Variants in ZNF710 observed in about 807,000 individuals in gnomAD.
ZNF710 encodes the protein zinc finger protein 710.
Under a neutral mutation model 50.6 loss-of-function variants are expected in ZNF710, and 13 were observed. The ratio of observed to expected loss-of-function variants is 0.26; its 90% CI spans 0.17 to 0.41. The LOEUF (loss-of-function observed/expected upper bound fraction) is 0.41, where lower values mean the gene tolerates loss of function less well. Ranked by LOEUF, ZNF710 falls within the 10% of genes least tolerant of loss-of-function variation. ZNF710 has a pLI of 1.00. For missense variants in ZNF710, 721 were observed against 936.6 expected (o/e 0.77, Z 3.01); for synonymous variants, 383 against 397.0 (o/e 0.96, Z 0.42).
At chr15:90,043,740 C>T (rs1250806439) in intron 1 of ZNF710, among the ~76,000 whole-genome samples, 3 of 152,158 alleles carry the variant, frequency 2.0e-5, no homozygotes, top group Non-Finnish European at 4.4e-5. Context: ...GCTGCATTCA[C>T]GCTAGAACAT....
intron 1 of ZNF710, among the ~76,000 whole-genome samples, chr15:90,051,238 CAAAA>C (rs61250352): frequency 3.8e-5 from 3 of 79,084 alleles, no homozygotes; most frequent in African/African-American, 9.1e-5. Flanking sequence ...GACTCCGTCT[CAAAA>C]AAAAAAAAAA....
rs558025276 is a variant in ZNF710, at chr15:90,056,086, AGC to A, written c.-28-11023_-28-11022del. On this transcript the variant is annotated intron_variant, in intron 1 of 4. Transcript: ENST00000268154. ...GGCCAAGATCACACCACTACATTCCAGCCTGGGCAACAGAGCAAGACTCCATC... is the reference window on the plus strand; with the variant it reads ...GGCCAAGATCACACCACTACATTCCACTGGGCAACAGAGCAAGACTCCATC... Among the ~76,000 whole-genome samples, 220 of 150,506 alleles carry A rather than the reference AGC, an allele frequency of 1.5e-3. 4 individuals are homozygous for A. Among genetic ancestry groups the A allele is most frequent in the African/African-American group, 5.2e-3 (212 of 40,718 alleles).
chr15:90,050,099 T>C (rs1899592633), intron 1 of ZNF710, among the ~76,000 whole-genome samples: 1 of 152,264 alleles, frequency 6.6e-6, no homozygotes. Context: ...GCTGATACGT[T>C]GCACCAGCTG....
At chr15:90,019,705 C>T (rs1195637700) in intron 1 of ZNF710, among the ~76,000 whole-genome samples, 1 of 152,180 alleles carries the variant, frequency 6.6e-6, no homozygotes. Context: ...CCTGGCCCGT[C>T]GCTTTACAAT....
chr15:90,068,357 A>G lies in ZNF710; in HGVS notation c.1220A>G (p.His407Arg). ...GTGAAGCATGAGAGTGGCCGCTGCCATGTCTGCGTCGAGTGCGGCCTGGAC... is the reference window on the plus strand; with the variant it reads ...GTGAAGCATGAGAGTGGCCGCTGCCGTGTCTGCGTCGAGTGCGGCCTGGAC... Reference protein sequence around the residue: ...HEVKHESGRCHVCVECGLDFS... With the variant: ...HEVKHESGRCRVCVECGLDFS... Residue 407 changes from histidine (H) to arginine (R), a missense_variant, in exon 2 of 5, where the codon CAT becomes CGT. Around this residue, in one of 3 missense-constraint regions of ZNF710, gnomAD observed 326 missense variants for 522.0 expected, o/e 0.62. Coordinates refer to ENST00000268154, the MANE Select transcript of ZNF710 (RefSeq NM_198526.4). This position sits in a 1 kb window ranked among gnomAD's most constrained non-coding sequence, Gnocchi z 5.0. 2 of 1,612,596 alleles carry G rather than the reference A, an allele frequency of 1.2e-6. No homozygotes were observed. Among genetic ancestry groups the G allele is most frequent in the Non-Finnish European group, 1.7e-6 (2 of 1,179,448 alleles).
At position 90,079,989 on chromosome 15, in the gene ZNF710, C is replaced by G; in HGVS notation, c.*160C>G. The G allele has an allele frequency of 3.1e-6, 2 of 641,466 alleles. No homozygotes were observed. Among genetic ancestry groups the G allele is most frequent in the East Asian group, 3.3e-5 (1 of 30,314 alleles). The allele number at this position is 641,466 out of a possible 1,614,324, so 39.7% of individuals were successfully genotyped here. On this transcript the variant is annotated 3_prime_UTR_variant, in exon 5 of 5. Transcript: ENST00000268154. ...TTTGCACCACTAGGGACCTTTAGAC[C>G]AAATGGAGACTGTACTACTGGCCCC... is the stretch of plus-strand genomic sequence containing the variant.
intron 1 of ZNF710, among the ~76,000 whole-genome samples, chr15:90,051,711 A>G (rs1260707407): frequency 6.6e-6 from 1 of 152,188 alleles, no homozygotes; most frequent in African/African-American, 2.4e-5. Context: ...TCTCTGGTGT[A>G]CCTGGTAACC....
chr15:90,056,264 T>C (rs532760798), intron 1 of ZNF710, among the ~76,000 whole-genome samples: 160 of 151,206 alleles, frequency 1.1e-3, no homozygotes, highest in Non-Finnish European at 2.0e-3. Context: ...ACAAAAAAAA[T>C]TAGCCAGGCC....
At chr15:90,044,540 T>G (rs571918628) in intron 1 of ZNF710, among the ~76,000 whole-genome samples, 14 of 152,284 alleles carry the variant, frequency 9.2e-5, no homozygotes, top group African/African-American at 3.4e-4. Context: ...TGTTGACACA[T>G]CCTTTGTGAC....
intron 1 of ZNF710, chr15:90,002,575 C>G (rs990678076): frequency 1.3e-5 from 2 of 152,386 alleles, no homozygotes; most frequent in African/African-American, 4.8e-5. Context: ...GCTCGGGGAC[C>G]GACGGGGCAG....
intron 1 of ZNF710, among the ~76,000 whole-genome samples, chr15:90,064,735 G>A (rs552343878): frequency 3.9e-4 from 59 of 152,116 alleles, no homozygotes; most frequent in Non-Finnish European, 6.9e-4. Context: ...TGATCTGCCC[G>A]CCTCAGCCTC....
intron 1 of ZNF710, among the ~76,000 whole-genome samples, chr15:90,007,782 T>G (rs914663121): frequency 6.6e-6 from 1 of 151,594 alleles, no homozygotes; most frequent in African/African-American, 2.4e-5. Flanking sequence ...AGCTCTTTTT[T>G]GGTAGCACAG....
At chr15:90,017,404 C>T (rs1180118226) in intron 1 of ZNF710, among the ~76,000 whole-genome samples, 2 of 152,150 alleles carry the variant, frequency 1.3e-5, no homozygotes, top group Non-Finnish European at 2.9e-5. Flanking sequence ...ATAGCTTCAC[C>T]AGGGGAAGAA....
chr15:90,004,461 G>C (rs1309753232), intron 1 of ZNF710, among the ~76,000 whole-genome samples: 4 of 152,150 alleles, frequency 2.6e-5, no homozygotes, highest in Non-Finnish European at 4.4e-5. Flanking sequence ...CCATACCCTC[G>C]TTCCTCAGGC....
In ZNF710 at chr15:90,067,876, G is replaced by A. The variant is rs550826482; in HGVS notation, c.739G>A (p.Val247Met). 29 of 1,609,402 alleles carry A rather than the reference G, an allele frequency of 1.8e-5. No individual in the cohort carries two copies. Among genetic ancestry groups the A allele is most frequent in the Middle Eastern group, 1.7e-4 (1 of 6,044 alleles). The change falls in exon 2 of 5, where the codon GTG becomes ATG. Residue 247 changes from valine (V) to methionine (M), a missense_variant. Transcript: ENST00000268154. This position sits in a 1 kb window ranked among gnomAD's most constrained non-coding sequence, Gnocchi z 8.1. ...PEPVKPEQGF[V>M]WQEASEFEAD... is the part of the protein sequence containing the mutation. ...GCCTGTCAAGCCGGAACAGGGCTTC[G>A]TGTGGCAGGAGGCCAGTGAGTTCGA...
At chr15:90,008,063 G>A (rs1898183295) in intron 1 of ZNF710, among the ~76,000 whole-genome samples, 1 of 152,082 alleles carries the variant, frequency 6.6e-6, no homozygotes, top group Admixed American at 6.6e-5. Context: ...CTTAAATCAG[G>A]GAGGTAAGGT....
chr15:90,021,018 C>CAA (rs35234181), intron 1 of ZNF710, among the ~76,000 whole-genome samples: 1 of 150,414 alleles, frequency 6.6e-6, no homozygotes, highest in Admixed American at 6.6e-5. Flanking sequence ...CACCCCCCCC[C>CAA]CCTTAGCAGC....
At chr15:90,031,027 A>G (rs1415881658) in intron 1 of ZNF710, among the ~76,000 whole-genome samples, 1 of 150,118 alleles carries the variant, frequency 6.7e-6, no homozygotes, top group Non-Finnish European at 1.5e-5. Flanking sequence ...TCAAAAAAAA[A>G]GAAAAAAAAA....
chr15:89,999,007 T>C (rs757138248), upstream of ZNF710, among the ~76,000 whole-genome samples: 59 of 152,198 alleles, frequency 3.9e-4, no homozygotes, highest in Non-Finnish European at 7.1e-4. Context: ...ATCCTCACTC[T>C]CCCCCCACCC....
Sources: gnomAD v4.1 joint callset for allele counts (sites outside exome capture counted in the v4.1 genomes callset) on GRCh38, gnomAD v4.1.1 for gene constraint, gnomAD v4.1.1 regional missense constraint, Gnocchi (gnomAD v3.1) non-coding constraint, MANE v1.5 for transcripts, NCBI Gene and HGNC (gene_info 2026-07-23, HGNC 2026-07-21) for gene names.